Variants in ANKS1B observed in about 807,000 individuals in gnomAD.
ANKS1B encodes the protein ankyrin repeat and sterile alpha motif domain-containing protein 1B.
ANKS1B carries 36 observed loss-of-function variants against 148.3 expected under a neutral mutation model. That is an observed-to-expected ratio of 0.24 (90% confidence interval 0.19 to 0.32). ANKS1B has a LOEUF of 0.32. Among genes scored for constraint, ANKS1B ranks in the 10% least tolerant of loss-of-function variants. The pLI, the probability that ANKS1B is intolerant of heterozygous loss-of-function variation, is 1.00. For missense variants in ANKS1B, 1,157 were observed against 1,542.6 expected, an observed-to-expected ratio of 0.75 and a Z score of 4.19; for synonymous variants, 542 against 560.8, an observed-to-expected ratio of 0.97 and a Z score of 0.47.
intron 14 of ANKS1B, among the ~76,000 whole-genome samples, chr12:99,198,637 C>T (rs1291641987): frequency 1.3e-5 from 2 of 152,110 alleles, no homozygotes; most frequent in Admixed American, 6.6e-5. Flanking sequence ...CTTGATGTGA[C>T]AAGGCTTTAG....
intron 8 of ANKS1B, among the ~76,000 whole-genome samples, chr12:99,681,253 C>T (rs1253110703): frequency 6.6e-6 from 1 of 152,122 alleles, no homozygotes; most frequent in African/African-American, 2.4e-5. Flanking sequence ...TACAGCAACT[C>T]ATAAAAGAAC....
At chr12:98,860,118 T>A (rs1293384376) in intron 17 of ANKS1B, among the ~76,000 whole-genome samples, 1 of 152,262 alleles carries the variant, frequency 6.6e-6, no homozygotes, top group Non-Finnish European at 1.5e-5. Flanking sequence ...TGTTAATGTA[T>A]GTATGAAATT....
chr12:98,927,498 G>A (rs937113500), intron 17 of ANKS1B, among the ~76,000 whole-genome samples: 5 of 151,862 alleles, frequency 3.3e-5, no homozygotes, highest in Non-Finnish European at 4.4e-5. Flanking sequence ...TTTAAAAGAC[G>A]AATGCAAAGC....
chr12:99,525,379 T>C (rs1235403956), intron 9 of ANKS1B, among the ~76,000 whole-genome samples: 1 of 152,172 alleles, frequency 6.6e-6, no homozygotes, highest in Non-Finnish European at 1.5e-5. Flanking sequence ...AAGCCTAAAG[T>C]GCATTTGGAA....
chr12:98,964,590 T>C (rs1049757222), intron 17 of ANKS1B, among the ~76,000 whole-genome samples: 1 of 152,152 alleles, frequency 6.6e-6, no homozygotes. Context: ...AAAGAAAATA[T>C]GGTACATATA....
At chr12:98,970,124 A>G (rs2099881922) in intron 17 of ANKS1B, among the ~76,000 whole-genome samples, 1 of 152,198 alleles carries the variant, frequency 6.6e-6, no homozygotes, top group South Asian at 2.1e-4. Flanking sequence ...TTTGCTTTCA[A>G]GACTGGGCAC....
At chr12:99,625,911 C>T (rs2098108533) in intron 9 of ANKS1B, among the ~76,000 whole-genome samples, 3 of 151,968 alleles carry the variant, frequency 2.0e-5, no homozygotes, top group Admixed American at 2.0e-4. Context: ...TAGGATTAGT[C>T]CAGAAAGTCT....
chr12:99,177,467 G>A (rs775996473), intron 14 of ANKS1B, among the ~76,000 whole-genome samples: 106 of 152,314 alleles, frequency 7.0e-4, no homozygotes, highest in Non-Finnish European at 1.0e-3. Flanking sequence ...GGTACAAAAT[G>A]TTTGTGAAAT....
At chr12:99,681,657 G>C (rs1186768502) in intron 8 of ANKS1B, among the ~76,000 whole-genome samples, 2 of 152,178 alleles carry the variant, frequency 1.3e-5, no homozygotes, top group African/African-American at 4.8e-5. Flanking sequence ...CACATCAAGA[G>C]AGCACCCTGT....
chr12:99,816,589 T>C (rs1481522478), intron 2 of ANKS1B, among the ~76,000 whole-genome samples: 2 of 151,788 alleles, frequency 1.3e-5, no homozygotes, highest in African/African-American at 2.4e-5. Context: ...GAGCTTTACA[T>C]CTTATTCAAA....
At chr12:99,131,443 C>T (rs1433407489) in intron 15 of ANKS1B, among the ~76,000 whole-genome samples, 1 of 152,118 alleles carries the variant, frequency 6.6e-6, no homozygotes, top group East Asian at 1.9e-4. Flanking sequence ...TCTGAGGGTC[C>T]CAGGACTTTG....
At chr12:99,258,664 T>A (rs983338721) in intron 12 of ANKS1B, among the ~76,000 whole-genome samples, 4 of 149,382 alleles carry the variant, frequency 2.7e-5, no homozygotes, top group African/African-American at 9.9e-5. Flanking sequence ...AGCTAGTACA[T>A]TCATTTTTTT....
At chr12:98,942,782 A>T (rs2099839060) in intron 17 of ANKS1B, among the ~76,000 whole-genome samples, 1 of 152,228 alleles carries the variant, frequency 6.6e-6, no homozygotes, top group Admixed American at 6.5e-5. Context: ...CTCCTGTGAG[A>T]ATCGTCCTCT....
At chr12:99,375,822 G>A (rs76608512) in intron 12 of ANKS1B, among the ~76,000 whole-genome samples, 2,229 of 152,176 alleles carry the variant, frequency 0.015, 24 homozygotes, top group Non-Finnish European at 0.021. Context: ...TAACACAGAC[G>A]AGATCAAACT....
chr12:99,523,359 T>C (rs1470371335), intron 9 of ANKS1B, among the ~76,000 whole-genome samples: 1 of 152,126 alleles, frequency 6.6e-6, no homozygotes, highest in African/African-American at 2.4e-5. Flanking sequence ...AAAATAGTGA[T>C]TAGAATTGTT....
chr12:98,964,317 G>T (rs1322231261), intron 17 of ANKS1B, among the ~76,000 whole-genome samples: 3 of 152,134 alleles, frequency 2.0e-5, no homozygotes, highest in African/African-American at 7.2e-5. Context: ...GTGAGGATGT[G>T]GAGAAAAGGG....
At chr12:99,135,303 C>G (rs1319891) in intron 15 of ANKS1B, among the ~76,000 whole-genome samples, 128,484 of 152,208 alleles carry the variant, frequency 0.84, 54,818 homozygotes, top group East Asian at 0.99. Flanking sequence ...CCAACACCTG[C>G]CTAGGAAGAT....
intron 17 of ANKS1B, among the ~76,000 whole-genome samples, chr12:98,886,335 T>G (rs2099740052): frequency 6.6e-6 from 1 of 152,210 alleles, no homozygotes; most frequent in African/African-American, 2.4e-5. Context: ...ACACTTCTGA[T>G]AGTTGAATTA....
intron 15 of ANKS1B, among the ~76,000 whole-genome samples, chr12:99,092,768 C>T (rs1053345569): frequency 2.0e-5 from 3 of 152,212 alleles, no homozygotes; most frequent in African/African-American, 7.2e-5. Context: ...ATTCCCAACA[C>T]AGCCACATAT....
Sources: allele counts gnomAD v4.1 joint callset (sites outside exome capture counted in the v4.1 genomes callset), GRCh38; gene constraint gnomAD v4.1.1; transcripts MANE v1.5; gene names NCBI Gene and HGNC (gene_info 2026-07-23, HGNC 2026-07-21).